Variants in FEZ1 observed in about 807,000 individuals in gnomAD.
The protein encoded by FEZ1 is fasciculation and elongation protein zeta-1.
In FEZ1, 20 loss-of-function variants were observed where a neutral mutation model predicts 49.3. The observed-to-expected ratio is 0.41, with a 90% CI of 0.29 to 0.59. The LOEUF (loss-of-function observed/expected upper bound fraction) is 0.59, where lower values mean the gene tolerates loss of function less well. Among genes scored for constraint, FEZ1 ranks in the 20% least tolerant of loss-of-function variants. FEZ1 has a pLI of 0.36. For synonymous variants in FEZ1, 170 were observed against 180.9 expected (o/e 0.94, Z 0.48); for missense variants, 413 against 476.0 (o/e 0.87, Z 1.23).
chr11:125,476,267 C>T (rs1957232231), intron 3 of FEZ1, among the ~76,000 whole-genome samples: 1 of 151,946 alleles, frequency 6.6e-6, no homozygotes, highest in African/African-American at 2.4e-5. Context: ...TCATTATATG[C>T]CAATTACCTT....
chr11:125,467,107 C>T (rs1029214460), intron 3 of FEZ1, among the ~76,000 whole-genome samples: 2 of 151,220 alleles, frequency 1.3e-5, no homozygotes, highest in African/African-American at 4.9e-5. Context: ...AATCATGGCT[C>T]AATGCAGCCT....
Position 125,460,235 on chromosome 11 carries a change from G to T in FEZ1, c.667+263C>A, listed in dbSNP as rs1396258115. On this transcript the variant is annotated intron_variant, in intron 5 of 9. Coordinates refer to ENST00000278919, the MANE Select transcript of FEZ1 (RefSeq NM_005103.5). ...TTCATTGCTTTTATATAGTAGTTCA[G>T]ATTTCTTCTGCTTATTCTGCCTTAG... The T allele has an allele frequency of 1.7e-5, 6 of 354,436 alleles. No individual in the cohort carries two copies. In the East Asian group the frequency reaches 2.7e-4, roughly 16 times the overall value. 22.0% of individuals were successfully genotyped at this position (354,436 alleles called of 1,614,324 possible). A position where few individuals can be genotyped will look rare whatever the true frequency, so the allele number is the denominator to read the frequency against.
intron 9 of FEZ1, among the ~76,000 whole-genome samples, chr11:125,446,895 G>A (rs1956904387): frequency 6.6e-6 from 1 of 151,892 alleles, no homozygotes; most frequent in Admixed American, 6.6e-5. Context: ...GGCTGGACAA[G>A]TTATTTTTAA....
At chr11:125,475,353 CA>C (rs1345926933) in intron 3 of FEZ1, among the ~76,000 whole-genome samples, 2 of 151,832 alleles carry the variant, frequency 1.3e-5, no homozygotes, top group African/African-American at 4.8e-5. Context: ...TATTCTATGT[CA>C]CTAGAGAAAA....
At chr11:125,457,492 G>GTATATATGTA (rs150934684) in intron 5 of FEZ1, among the ~76,000 whole-genome samples, 1 of 28,442 alleles carries the variant, frequency 3.5e-5, no homozygotes, top group Non-Finnish European at 8.0e-5. Context: ...ACATATATGT[G>GTATATATGTA]TATATATGTA....
chr11:125,491,054 A>C (rs1380315007), intron 1 of FEZ1, among the ~76,000 whole-genome samples: 2 of 152,130 alleles, frequency 1.3e-5, no homozygotes, highest in East Asian at 3.9e-4. Context: ...GTGCCCAGAC[A>C]AGCACCCAAG....
At position 125,495,691 on chromosome 11, in the gene FEZ1, C is replaced by T; in HGVS notation, c.-46+430G>A. On this transcript the variant is annotated intron_variant, in intron 1 of 9. Transcript: ENST00000278919. The surrounding 1 kb of genome is among the most constrained non-coding windows in gnomAD (Gnocchi z 4.2). Reference sequence around the variant, plus strand: ...CAGATAACGGTCCCGGGACGAGGTACCGACCCACTGCCCCAGCGCGATCGG... The same window carrying T: ...CAGATAACGGTCCCGGGACGAGGTATCGACCCACTGCCCCAGCGCGATCGG... 2.7e-6 allele frequency: 1 copy of T among 373,910 alleles called. No individual in the cohort carries two copies. Among genetic ancestry groups the T allele is most frequent in the South Asian group, 2.0e-5 (1 of 51,006 alleles). 23.2% of individuals were successfully genotyped at this position (373,910 alleles called of 1,614,324 possible).
rs1053665882 is a variant in FEZ1 at position 125,482,333 on chromosome 11, G to C, written c.312-700C>G. ...CTGCATTGTGTCATTCCAACATCAC[G>C]GACACTCTCAGGTAAATACTGTATA... On this transcript the variant is annotated intron_variant, in intron 2 of 9. Coordinates refer to ENST00000278919, the MANE Select transcript of FEZ1 (RefSeq NM_005103.5). Among the ~76,000 whole-genome samples, 4 of 152,166 alleles carry C rather than the reference G, an allele frequency of 2.6e-5. No homozygotes were observed. The East Asian group carries it at 5.8e-4, about 22-fold the overall frequency.
In FEZ1 at chr11:125,443,576, A is replaced by C. The variant is rs1337056520; in HGVS notation, c.*2519T>G. Among the ~76,000 whole-genome samples the C allele has an allele frequency of 6.6e-6, 1 of 152,164 alleles. No homozygotes were observed. Among genetic ancestry groups the C allele is most frequent in the African/African-American group, 2.4e-5 (1 of 41,438 alleles). On this transcript the variant is annotated 3_prime_UTR_variant, in exon 10 of 10. Coordinates refer to ENST00000278919, the MANE Select transcript of FEZ1 (RefSeq NM_005103.5). ...TAAAGGGAGACCTTGTTAAAATGCA[A>C]ATTCTGACTTAGTAGGCCTGATGTG...
In FEZ1 at chr11:125,495,485, C is replaced by T. The variant is rs1270076689; in HGVS notation, c.-46+636G>A. On this transcript the variant is annotated intron_variant, in intron 1 of 9. Coordinates refer to ENST00000278919, the MANE Select transcript of FEZ1 (RefSeq NM_005103.5). The surrounding 1 kb of genome is among the most constrained non-coding windows in gnomAD (Gnocchi z 4.2). Reference sequence around the variant, plus strand: ...CACCGCGCAGCCGCCCCGGTCCCTTCTCCCGCCCGTCTGTAGTAAAACAAT... The same window carrying T: ...CACCGCGCAGCCGCCCCGGTCCCTTTTCCCGCCCGTCTGTAGTAAAACAAT... The T allele has an allele frequency of 8.5e-6, 4 of 471,102 alleles. No homozygotes were observed. Among genetic ancestry groups the T allele is most frequent in the Non-Finnish European group, 1.8e-5 (4 of 227,048 alleles). 29.2% of individuals were successfully genotyped at this position (471,102 alleles called of 1,614,324 possible).
rs746688240 is a variant in FEZ1, at chr11:125,460,629, G to A, written c.536C>T (p.Pro179Leu). The part of the protein sequence containing the change: ...EEIEEMMQNS[P>L]DPEEEEEVLE... Reference sequence around the variant, plus strand: ...AACCTCCTCTTCTTCCTCAGGGTCTGGGGAGTTCTGCATCATTTCCTCAAT... The same window carrying A: ...AACCTCCTCTTCTTCCTCAGGGTCTAGGGAGTTCTGCATCATTTCCTCAAT... The change falls in exon 5 of 10, where the codon CCA (proline) becomes CTA (leucine). Residue 179 changes from proline to leucine, a missense_variant. By Grantham distance (98) the Pro-to-Leu change is moderately conservative. Transcript: ENST00000278919. 1.4e-5 allele frequency: 23 copies of A among 1,613,870 alleles called. No individual in the cohort carries two copies. The highest frequency in any genetic ancestry group is 1.9e-5 in the Non-Finnish European group (23 of 1,179,954).
intron 3 of FEZ1, among the ~76,000 whole-genome samples, chr11:125,473,656 T>C (rs551261708): frequency 6.6e-6 from 1 of 151,988 alleles, no homozygotes; most frequent in South Asian, 2.1e-4. Context: ...CTGCCTCTAC[T>C]AAAAATACAA....
intron 6 of FEZ1, among the ~76,000 whole-genome samples, chr11:125,455,067 G>A (rs1396326902): frequency 1.3e-5 from 2 of 150,170 alleles, no homozygotes; most frequent in African/African-American, 4.9e-5. Flanking sequence ...AGGGGTTTGG[G>A]TTAAACCCAA....
intron 3 of FEZ1, among the ~76,000 whole-genome samples, chr11:125,470,003 C>G (rs1036493219): frequency 1.3e-5 from 2 of 152,112 alleles, no homozygotes; most frequent in East Asian, 1.9e-4. Context: ...GAGTAAACCA[C>G]CATGCCTGGC....
chr11:125,467,273 G>A (rs1004537791), intron 3 of FEZ1, among the ~76,000 whole-genome samples: 1 of 151,920 alleles, frequency 6.6e-6, no homozygotes, highest in African/African-American at 2.4e-5. Context: ...CAAACTCCTG[G>A]CCTCAAGCAA....
chr11:125,446,344 C>T lies in FEZ1; in HGVS notation c.1163-233G>A, dbSNP rs767126614. On this transcript the variant is annotated intron_variant, in intron 9 of 9. Transcript: ENST00000278919. ...TCCTGGATCCAGCCATTACTAACTA[C>T]ATGACCTTAGGGAAATTAACTTCAC... Among the ~76,000 whole-genome samples the T allele has an allele frequency of 1.3e-3, 197 of 152,234 alleles. 3 individuals carry two copies. Among genetic ancestry groups the T allele is most frequent in the Admixed American group, 1.3e-3 (20 of 15,286 alleles).
In FEZ1 at chr11:125,454,275, C is replaced by T. The variant is rs991029842; in HGVS notation, c.940-65G>A. The T allele has an allele frequency of 1.7e-5, 22 of 1,263,344 alleles. No individual in the cohort carries two copies. The East Asian group carries it at 2.6e-4, about 15-fold the overall frequency. The allele number at this position is 1,263,344 out of a possible 1,614,324, so 78.3% of individuals were successfully genotyped here. On this transcript the variant is annotated intron_variant, in intron 6 of 9. Transcript: ENST00000278919. ...GCTACACTGTCACCACACCCAGGGA[C>T]CTCTCAGCTACCAGGCTGTCCCAGA... is the stretch of plus-strand genomic sequence containing the variant.
At chr11:125,473,927 A>T (rs908301251) in intron 3 of FEZ1, among the ~76,000 whole-genome samples, 9 of 152,108 alleles carry the variant, frequency 5.9e-5, no homozygotes, top group Non-Finnish European at 1.3e-4. Flanking sequence ...AAAAAATCTT[A>T]GTGACCTTGG....
At chr11:125,457,403 TAAAAAAAAAAAAAAAA>T (rs141594971) in intron 5 of FEZ1, among the ~76,000 whole-genome samples, 1 of 35,110 alleles carries the variant, frequency 2.8e-5, no homozygotes, top group Non-Finnish European at 5.0e-5. Context: ...GTTTCTACTT[TAAAAAAAAAAAAAAAA>T]AAAAAAAAAA....
Sources: allele counts gnomAD v4.1 joint callset (sites outside exome capture counted in the v4.1 genomes callset), GRCh38; gene constraint gnomAD v4.1.1; non-coding constraint Gnocchi (gnomAD v3.1); transcripts MANE v1.5; gene names NCBI Gene and HGNC (gene_info 2026-07-23, HGNC 2026-07-21).